The following PDE8A variants were observed in gnomAD, a reference collection of about 807,000 sequenced individuals.
PDE8A encodes the protein phosphodiesterase 8A.
A neutral mutation model predicts 105.0 loss-of-function variants in PDE8A; 59 were observed. The observed-to-expected ratio is 0.56, with a 90% confidence interval of 0.46 to 0.70. PDE8A has a LOEUF of 0.70. PDE8A is among the 30% of genes least tolerant of loss of function. The pLI, the probability that PDE8A is intolerant of heterozygous loss-of-function variation, is 0.00. For missense variants in PDE8A, 1,014 were observed against 1,045.9 expected (o/e 0.97, Z 0.42); for synonymous variants, 355 against 371.9 (o/e 0.95, Z 0.52).
intron 1 of PDE8A, among the ~76,000 whole-genome samples, chr15:85,040,294 G>A (rs1372284288): frequency 2.2e-5 from 2 of 91,230 alleles, no homozygotes; most frequent in Non-Finnish European, 4.7e-5. Flanking sequence ...GACCTCAGGT[G>A]ATCTGCCCAC....
At chr15:85,087,237 CTG>C (rs904518439) in intron 6 of PDE8A, among the ~76,000 whole-genome samples, 3 of 152,112 alleles carry the variant, frequency 2.0e-5, no homozygotes, top group African/African-American at 7.2e-5. Context: ...GGGTCTCACT[CTG>C]TTGCCTGGGC....
rs536962158 is a variant in PDE8A, at chr15:85,109,119, G to C, written c.1103G>C (p.Arg368Pro). 1.2e-5 allele frequency: 19 copies of C among 1,607,532 alleles called. No homozygotes were observed. Among genetic ancestry groups the C allele is most frequent in the Non-Finnish European group, 1.5e-5 (18 of 1,174,688 alleles). ...CTAGACGTCAAAGCTGTTGCCTCCCGTGCAACTGAAGGTGAGTGACAAAGA... is the reference window on the plus strand; with the variant it reads ...CTAGACGTCAAAGCTGTTGCCTCCCCTGCAACTGAAGGTGAGTGACAAAGA... Reference protein sequence around the residue: ...GSLDVKAVASRATEVSSQRRH... With the variant: ...GSLDVKAVASPATEVSSQRRH... Residue 368 changes from arginine to proline, a missense_variant, in exon 12 of 22, where the codon CGT (arginine) becomes CCT (proline). Arg to Pro is a moderately radical substitution (Grantham distance 103). Coordinates refer to ENST00000394553, the MANE Select transcript of PDE8A (RefSeq NM_002605.3).
At position 85,067,032 on chromosome 15, in the gene PDE8A, A is replaced by G. The variant is rs770598113; in HGVS notation, c.262A>G (p.Lys88Glu). ...GATTCAGGTACTTTTAGTGTTTACCAAAGAAGATAACCAATGTAATGGATT... is the reference window on the plus strand; with the variant it reads ...GATTCAGGTACTTTTAGTGTTTACCGAAGAAGATAACCAATGTAATGGATT... The part of the protein sequence containing the change: ...DQLQVLLVFT[K>E]EDNQCNGFCR... The change falls in exon 3 of 22, where the codon AAA becomes GAA. Residue 88 changes from lysine (K) to glutamate (E), a missense_variant. Coordinates refer to ENST00000394553, the MANE Select transcript of PDE8A (RefSeq NM_002605.3). The G allele has an allele frequency of 1.9e-6, 3 of 1,605,250 alleles. No homozygotes were observed. In the South Asian group the frequency reaches 3.4e-5, roughly 18 times the overall value.
chr15:85,082,381 T>A (rs1161027602), intron 5 of PDE8A, among the ~76,000 whole-genome samples: 1 of 152,154 alleles, frequency 6.6e-6, no homozygotes, highest in African/African-American at 2.4e-5. Context: ...CTTTCTCCCA[T>A]CATGTCTTTT....
At chr15:85,041,394 G>C in intron 1 of PDE8A, among the ~76,000 whole-genome samples, 1 of 152,124 alleles carries the variant, frequency 6.6e-6, no homozygotes, top group Non-Finnish European at 1.5e-5. Context: ...CTGCTCTCTC[G>C]TGACCTGCCA....
At chr15:85,040,370 TAAAA>T (rs35955528) in intron 1 of PDE8A, among the ~76,000 whole-genome samples, 30 of 103,724 alleles carry the variant, frequency 2.9e-4, no homozygotes, top group African/African-American at 1.1e-3. Context: ...ACCTCTTCTC[TAAAA>T]AAAAAAAAAA....
At chr15:84,991,737 A>G (rs925270941) in intron 1 of PDE8A, among the ~76,000 whole-genome samples, 1 of 152,262 alleles carries the variant, frequency 6.6e-6, no homozygotes, top group Non-Finnish European at 1.5e-5. Flanking sequence ...GTTCAAAGAA[A>G]GGAATACTTC....
chr15:85,091,230 G>A, intron 8 of PDE8A, 49 bp downstream of exon 8: 2 of 1,512,614 alleles, frequency 1.3e-6, no homozygotes, highest in Non-Finnish European at 1.8e-6. Flanking sequence ...ACAGAGAGAA[G>A]GAAGACTTAG....
intron 14 of PDE8A, among the ~76,000 whole-genome samples, chr15:85,115,004 G>A (rs934164289): frequency 2.0e-5 from 3 of 152,128 alleles, no homozygotes; most frequent in Non-Finnish European, 2.9e-5. Context: ...TGAGAGAGGA[G>A]CTAATGTTTC....
intron 1 of PDE8A, among the ~76,000 whole-genome samples, chr15:85,039,881 C>T (rs1287301957): frequency 1.3e-5 from 2 of 152,042 alleles, no homozygotes; most frequent in African/African-American, 4.8e-5. Flanking sequence ...GTGGAATATA[C>T]AAAAGTTGAA....
At chr15:85,046,413 A>G (rs966372447) in intron 1 of PDE8A, among the ~76,000 whole-genome samples, 1 of 152,198 alleles carries the variant, frequency 6.6e-6, no homozygotes, top group African/African-American at 2.4e-5. Context: ...CAAGTCCTGT[A>G]TTACATACAT....
intron 17 of PDE8A, chr15:85,120,296 G>A (rs941026433): frequency 1.3e-5 from 2 of 152,082 alleles, no homozygotes; most frequent in African/African-American, 4.8e-5. Flanking sequence ...AAACTTTTCA[G>A]AGTCTTGAAA....
At chr15:84,993,442 CAAAAAAAAAAA>C (rs11362736) in intron 1 of PDE8A, among the ~76,000 whole-genome samples, 5 of 73,116 alleles carry the variant, frequency 6.8e-5, no homozygotes, top group Non-Finnish European at 1.3e-4. Flanking sequence ...GACTCCATCT[CAAAAAAAAAAA>C]AAAAAAAAAA....
intron 1 of PDE8A, among the ~76,000 whole-genome samples, chr15:85,057,560 G>A (rs1367266515): frequency 1.3e-5 from 2 of 152,148 alleles, no homozygotes; most frequent in Non-Finnish European, 2.9e-5. Context: ...AAGCCCCAGT[G>A]AGATGAAGCC....
intron 12 of PDE8A, among the ~76,000 whole-genome samples, chr15:85,109,388 A>C (rs2081990186): frequency 6.6e-6 from 1 of 152,236 alleles, no homozygotes; most frequent in Non-Finnish European, 1.5e-5. Context: ...GCTTTTCTAA[A>C]CTGTAACAGC....
chr15:85,015,403 C>T (rs1032195832), intron 1 of PDE8A, among the ~76,000 whole-genome samples: 2 of 152,076 alleles, frequency 1.3e-5, no homozygotes, highest in South Asian at 4.2e-4. Context: ...GATGGAGTCT[C>T]ACTATGGTGC....
intron 2 of PDE8A, among the ~76,000 whole-genome samples, chr15:85,066,505 A>G (rs1423713530): frequency 6.6e-6 from 1 of 151,438 alleles, no homozygotes; most frequent in Non-Finnish European, 1.5e-5. Context: ...TGGAGGTTGC[A>G]GTGAGCTGAC....
At chr15:85,082,889 A>C (rs887137154) in intron 5 of PDE8A, among the ~76,000 whole-genome samples, 6 of 152,244 alleles carry the variant, frequency 3.9e-5, no homozygotes, top group Non-Finnish European at 7.3e-5. Context: ...AGAACTATGT[A>C]ATTCACTTTG....
chr15:85,105,206 A>G (rs1236885409), intron 11 of PDE8A, among the ~76,000 whole-genome samples: 3 of 151,978 alleles, frequency 2.0e-5, no homozygotes, highest in African/African-American at 7.3e-5. Context: ...GAGGCCTCAT[A>G]GATGATTGAA....
Sources: allele counts gnomAD v4.1 joint callset (sites outside exome capture counted in the v4.1 genomes callset), GRCh38; gene constraint gnomAD v4.1.1; transcripts MANE v1.5; gene names NCBI Gene and HGNC (gene_info 2026-07-23, HGNC 2026-07-21).